HNRNPU: variants seen among roughly 807,000 people sequenced by gnomAD.
HNRNPU encodes heterogeneous nuclear ribonucleoprotein U.
HNRNPU carries 5 observed loss-of-function variants against 94.7 expected under a neutral mutation model. The observed-to-expected ratio is 0.05, with a 90% confidence interval of 0.03 to 0.11. HNRNPU has a LOEUF of 0.11. Ranked by LOEUF, HNRNPU falls within the 10% of genes least tolerant of loss-of-function variation. HNRNPU has a pLI of 1.00. For missense variants in HNRNPU, 710 were observed against 1,049.2 expected (o/e 0.68, Z 4.47); for synonymous variants, 434 against 381.6 (o/e 1.14, Z -1.60).
rs1393557334 is a variant in HNRNPU, at chr1:244,852,141, A to T, written c.*2309T>A. On this transcript the variant is annotated 3_prime_UTR_variant, in exon 14 of 14. Transcript: ENST00000640218. ...AAATCAGGTTTCTCGTTCGTATCTT[A>T]CTTCTTACCTAATTTTCTCCCTGTT... 6.6e-6 allele frequency: 1 copy of T among 152,168 alleles called. No individual in the cohort carries two copies. Among genetic ancestry groups the T allele is most frequent in the Non-Finnish European group, 1.5e-5 (1 of 68,024 alleles). The allele number at this position is 152,168 out of a possible 1,614,324, so 9.4% of individuals were successfully genotyped here.
Position 244,861,406 on chromosome 1 carries a change from CTTAT to C in HNRNPU, c.878-936_878-933del, listed in dbSNP as rs1680824521. Reference sequence around the variant, plus strand: ...TCACTACCTTGCCAATTCCTAGCAACTTATTTATACAACCCAGAATTTCACTAAA... The same window carrying C: ...TCACTACCTTGCCAATTCCTAGCAACTTATACAACCCAGAATTTCACTAAA... On this transcript the variant is annotated intron_variant, in intron 3 of 13. Transcript: ENST00000640218. 3 of 152,410 alleles carry C rather than the reference CTTAT, an allele frequency of 2.0e-5. No homozygotes were observed. In the South Asian group the frequency reaches 6.2e-4, roughly 32 times the overall value. 9.4% of individuals were successfully genotyped at this position (152,410 alleles called of 1,614,324 possible).
At chr1:244,860,684 G>C in intron 3 of HNRNPU, 1 of 576,724 alleles carries the variant, frequency 1.7e-6, no homozygotes, top group Non-Finnish European at 3.1e-6. Context: ...TAAACTGCCT[G>C]TGAAACTAAT....
rs902112019 is a variant in HNRNPU at position 244,863,558 on chromosome 1, G to A, written c.691+59C>T. On this transcript the variant is annotated intron_variant, in intron 1 of 13. Transcript: ENST00000640218. ...CCTGCGGGGCTCCGGCAGGCCTGGG[G>A]CACGGTCCCCACCCCGCGCGGGCCT... is the stretch of plus-strand genomic sequence containing the variant. 621 of 1,318,286 alleles carry A rather than the reference G, an allele frequency of 4.7e-4. 2 individuals are homozygous for A. The highest frequency in any genetic ancestry group is 5.5e-4 in the Non-Finnish European group (574 of 1,042,006). 81.7% of individuals were successfully genotyped at this position (1,318,286 alleles called of 1,614,324 possible). A position where few individuals can be genotyped will look rare whatever the true frequency, so the allele number is the denominator to read the frequency against.
At position 244,864,031 on chromosome 1, in the gene HNRNPU, C is replaced by T. The variant is rs1680931978; in HGVS notation, c.277G>A (p.Glu93Lys). ...CCGTCCAGAGCGGAGATTCCTTCCT[C>T]CTCCTCTTCCTCTTCCTCCTCCTCT... ...DEEEEEEEEE[E>K]EGISALDGDQ... The change falls in exon 1 of 14, where the codon GAG (glutamate) becomes AAG (lysine). Residue 93 changes from glutamate (E) to lysine (K), a missense_variant. Glu to Lys is a moderately conservative substitution (Grantham distance 56, BLOSUM62 1). Coordinates refer to ENST00000640218, the MANE Select transcript of HNRNPU (RefSeq NM_031844.3). The T allele has an allele frequency of 6.2e-7, 1 of 1,611,552 alleles. No homozygotes were observed. The highest frequency in any genetic ancestry group is 1.3e-5 in the African/African-American group (1 of 74,856).
chr1:244,862,812 C>A, intron 1 of HNRNPU, 82 bp from the exon 2 acceptor site: 1 of 902,586 alleles, frequency 1.1e-6, no homozygotes. Flanking sequence ...CAAAGCAGCT[C>A]GACTTTATCC....
Position 244,851,414 on chromosome 1 carries a change from C to G in HNRNPU, c.*3036G>C, listed in dbSNP as rs1558184018. ...CAATTTATATTGTGAATAAATTTATCAAAAAACATGTCATCCAATTCCCAC... is the reference window on the plus strand; with the variant it reads ...CAATTTATATTGTGAATAAATTTATGAAAAAACATGTCATCCAATTCCCAC... On this transcript the variant is annotated 3_prime_UTR_variant, in exon 14 of 14. Transcript: ENST00000640218. 1 of 152,076 alleles carries G rather than the reference C, an allele frequency of 6.6e-6. No homozygotes were observed. The highest frequency in any genetic ancestry group is 2.4e-5 in the African/African-American group (1 of 41,432). 9.4% of individuals were successfully genotyped at this position (152,076 alleles called of 1,614,324 possible). A position where few individuals can be genotyped will look rare whatever the true frequency, so the allele number is the denominator to read the frequency against.
rs1680917181 is a variant in HNRNPU, at chr1:244,863,645, G to A, written c.663C>T (p.Gly221=). ...GGKKKAEGGG[G]GGRPGAPAAG... is the part of the protein sequence containing the mutation. ...CCGCCGGAGCCCCGGGGCGACCGCC[G>A]CCTCCGCCGCCTTCCGCCTTCTTCT... Residue 221 remains glycine, a synonymous_variant, in exon 1 of 14, where the codon GGC becomes GGT. Coordinates refer to ENST00000640218, the MANE Select transcript of HNRNPU (RefSeq NM_031844.3). The A allele has an allele frequency of 1.3e-6, 2 of 1,548,022 alleles. No homozygotes were observed. The highest frequency in any genetic ancestry group is 1.4e-5 in the African/African-American group (1 of 69,782).
chr1:244,859,504 AC>A (rs1334564541), intron 4 of HNRNPU, 130 bp from the exon 5 acceptor site: 10 of 518,860 alleles, frequency 1.9e-5, no homozygotes, highest in Admixed American at 3.4e-5. Flanking sequence ...ACTCTAGCCC[AC>A]CCCCAATATT....
intron 4 of HNRNPU, 155 bp downstream of exon 4, chr1:244,860,180 G>C: frequency 1.7e-6 from 1 of 593,456 alleles, no homozygotes; most frequent in Non-Finnish European, 2.9e-6. Context: ...TGTGCCTCTA[G>C]TCCGAGCTAC....
chr1:244,858,169 G>A lies in HNRNPU; in HGVS notation c.1336C>T (p.Pro446Ser). The A allele has an allele frequency of 1.2e-6, 2 of 1,614,132 alleles. No homozygotes were observed. Among genetic ancestry groups the A allele is most frequent in the South Asian group, 1.1e-5 (1 of 91,084 alleles). ...KEVLAGRPLFPHVLCHNCAVE... is the reference protein window; with the variant it reads ...KEVLAGRPLFSHVLCHNCAVE... The stretch of plus-strand genomic sequence containing the variant: ...GCACAGTTGTGGCAGAGAACATGCG[G>A]GAACAGTGGCCGTCCAGCAAGAACT... The change falls in exon 7 of 14, where the codon CCG becomes TCG. Residue 446 changes from proline to serine, a missense_variant. Pro to Ser is a moderately conservative substitution (Grantham distance 74). Around this residue, in one of 8 missense-constraint regions of HNRNPU, gnomAD observed 150 missense variants for 187.9 expected, o/e 0.80. Coordinates refer to ENST00000640218, the MANE Select transcript of HNRNPU (RefSeq NM_031844.3).
intron 7 of HNRNPU, 71 bp from the exon 8 acceptor site, chr1:244,857,788 A>T: frequency 6.5e-7 from 1 of 1,536,376 alleles, no homozygotes. Flanking sequence ...AATATTGTTA[A>T]GGCCAATTTA....
In HNRNPU at chr1:244,858,235, T is replaced by C; in HGVS notation, c.1270A>G (p.Asn424Asp). Reference sequence around the variant, plus strand: ...AAGGCAACGCCAAGATCTTGTCCATTCTTAGCATACGAGAGTTCTACTTCA... The same window carrying C: ...AAGGCAACGCCAAGATCTTGTCCATCCTTAGCATACGAGAGTTCTACTTCA... ...SDEVELSYAKNGQDLGVAFKI... is the reference protein window; with the variant it reads ...SDEVELSYAKDGQDLGVAFKI... The change falls in exon 7 of 14, where the codon AAT becomes GAT. Residue 424 changes from asparagine to aspartate, a missense_variant. By Grantham distance (23) the Asn-to-Asp change is conservative. This residue lies in a region of HNRNPU where 150 missense variants were observed against 187.9 expected (regional missense o/e 0.80). Transcript: ENST00000640218. The C allele has an allele frequency of 6.2e-7, 1 of 1,614,104 alleles. No individual in the cohort carries two copies. Among genetic ancestry groups the C allele is most frequent in the Non-Finnish European group, 8.5e-7 (1 of 1,179,944 alleles).
intron 1 of HNRNPU, among the ~76,000 whole-genome samples, chr1:244,863,381 G>GCTCT (rs1680900340): frequency 6.7e-6 from 1 of 148,742 alleles, no homozygotes; most frequent in Non-Finnish European, 1.5e-5. Flanking sequence ...CATAATGGAG[G>GCTCT]CGCTGCCACC....
intron 10 of HNRNPU, 79 bp from the exon 11 acceptor site, chr1:244,856,237 G>T: frequency 4.3e-6 from 6 of 1,400,112 alleles, no homozygotes; most frequent in Non-Finnish European, 3.9e-6. Flanking sequence ...AATTCTTGAG[G>T]TTTAGTAACA....
chr1:244,863,008 A>C (rs544168296), intron 1 of HNRNPU: 2 of 401,730 alleles, frequency 5.0e-6, no homozygotes, highest in Middle Eastern at 6.9e-4. Context: ...TATCCCGAAG[A>C]GAGCGCAGAG....
chr1:244,861,068 T>C (rs1680812947), intron 3 of HNRNPU: 1 of 152,340 alleles, frequency 6.6e-6, no homozygotes, highest in Admixed American at 6.5e-5. Flanking sequence ...TGTTCAACAA[T>C]TAGGGATTAA....
In HNRNPU at chr1:244,864,408, G is replaced by A. The variant is rs1680945795; in HGVS notation, c.-101C>T. 2 of 1,553,004 alleles carry A rather than the reference G, an allele frequency of 1.3e-6. No individual in the cohort carries two copies. Among genetic ancestry groups the A allele is most frequent in the Non-Finnish European group, 1.7e-6 (2 of 1,152,072 alleles). ...GCGGCTGCTCCTCGGCCCGGGCGGC[G>A]GCTGCGGCTGCGGCTGGAGATGGGT... is the stretch of plus-strand genomic sequence containing the variant. On this transcript the variant is annotated 5_prime_UTR_variant, in exon 1 of 14. Transcript: ENST00000640218.
At position 244,853,109 on chromosome 1, in the gene HNRNPU, T is replaced by C. The variant is rs1467463739; in HGVS notation, c.*1341A>G. 1 of 152,574 alleles carries C rather than the reference T, an allele frequency of 6.6e-6. No homozygotes were observed. Among genetic ancestry groups the C allele is most frequent in the Non-Finnish European group, 1.5e-5 (1 of 68,000 alleles). 9.5% of individuals were successfully genotyped at this position (152,574 alleles called of 1,614,324 possible). A position where few individuals can be genotyped will look rare whatever the true frequency, so the allele number is the denominator to read the frequency against. On this transcript the variant is annotated 3_prime_UTR_variant, in exon 14 of 14. Coordinates refer to ENST00000640218, the MANE Select transcript of HNRNPU (RefSeq NM_031844.3). ...TCAGTTGAGGACAGCATTAGCATTC[T>C]GTAAAGATGATAAACTCAGTGTTAA...
rs1382569617 is a variant in HNRNPU, at chr1:244,855,264, A to G, written c.2352+160T>C. 8 of 805,516 alleles carry G rather than the reference A, an allele frequency of 9.9e-6. No homozygotes were observed. The Admixed American group carries it at 1.4e-4, about 14-fold the overall frequency. The allele number at this position is 805,516 out of a possible 1,614,324, so 49.9% of individuals were successfully genotyped here. A position where few individuals can be genotyped will look rare whatever the true frequency, so the allele number is the denominator to read the frequency against. The stretch of plus-strand genomic sequence containing the variant: ...TGTTTAGTACACCTGAAAAAACTCA[A>G]AAGTAAGTAGACTCATTTCACCATT... On this transcript the variant is annotated intron_variant, in intron 12 of 13. Coordinates refer to ENST00000640218, the MANE Select transcript of HNRNPU (RefSeq NM_031844.3).
Sources: gnomAD v4.1 joint callset for allele counts (sites outside exome capture counted in the v4.1 genomes callset) on GRCh38, gnomAD v4.1.1 for gene constraint, gnomAD v4.1.1 regional missense constraint, MANE v1.5 for transcripts, NCBI Gene and HGNC (gene_info 2026-07-23, HGNC 2026-07-21) for gene names.